The following SNTG2 variants were observed in gnomAD, a reference collection of about 807,000 sequenced individuals.
SNTG2 encodes syntrophin gamma 2.
A neutral mutation model predicts 70.9 loss-of-function variants in SNTG2; 74 were observed. The ratio of observed to expected loss-of-function variants is 1.04; its 90% CI spans 0.86 to 1.27. The LOEUF (loss-of-function observed/expected upper bound fraction) is 1.27. Among genes scored for constraint, SNTG2 ranks in the 50% most tolerant of loss-of-function variants. SNTG2 has a pLI of 0.00. For synonymous variants in SNTG2, 278 were observed against 273.8 expected, an observed-to-expected ratio of 1.02 and a Z score of -0.15; for missense variants, 717 against 690.7, an observed-to-expected ratio of 1.04 and a Z score of -0.43.
intron 1 of SNTG2, among the ~76,000 whole-genome samples, chr2:1,064,713 G>A (rs1039299590): frequency 1.3e-5 from 2 of 152,154 alleles, no homozygotes; most frequent in Admixed American, 6.5e-5. Context: ...GATGCAATGG[G>A]ATACTAAGAA....
At chr2:955,700 A>C (rs1468856736) in intron 1 of SNTG2, among the ~76,000 whole-genome samples, 2 of 152,242 alleles carry the variant, frequency 1.3e-5, no homozygotes, top group Non-Finnish European at 2.9e-5. Context: ...GATTCCATGG[A>C]AGAATGTTTC....
chr2:1,045,990 G>A (rs893449213), intron 1 of SNTG2, among the ~76,000 whole-genome samples: 5 of 151,970 alleles, frequency 3.3e-5, no homozygotes, highest in Admixed American at 2.0e-4. Flanking sequence ...CTATTATTCC[G>A]TGGTTATCTG....
intron 14 of SNTG2, among the ~76,000 whole-genome samples, chr2:1,275,746 T>C (rs192308101): frequency 9.2e-5 from 14 of 152,278 alleles, no homozygotes; most frequent in Admixed American, 5.9e-4. Flanking sequence ...AAGCTAGAAA[T>C]GATTAAGCTT....
intron 9 of SNTG2, among the ~76,000 whole-genome samples, chr2:1,211,554 C>G (rs954931634): frequency 1.3e-4 from 20 of 152,134 alleles, no homozygotes; most frequent in African/African-American, 4.8e-4. Flanking sequence ...GTTTAATGGA[C>G]TCACAGTTCT....
intron 1 of SNTG2, among the ~76,000 whole-genome samples, chr2:1,048,433 T>C (rs200519657): frequency 6.6e-6 from 1 of 152,134 alleles, no homozygotes; most frequent in African/African-American, 2.4e-5. Context: ...ACTCTCTCCA[T>C]ATATAGATAG....
At chr2:1,015,588 A>T (rs1456579373) in intron 1 of SNTG2, among the ~76,000 whole-genome samples, 2 of 152,228 alleles carry the variant, frequency 1.3e-5, no homozygotes. Context: ...AACGTGGATG[A>T]TGTCCAAGTT....
At chr2:1,147,008 C>G (rs1473042691) in intron 6 of SNTG2, among the ~76,000 whole-genome samples, 1 of 152,178 alleles carries the variant, frequency 6.6e-6, no homozygotes, top group Non-Finnish European at 1.5e-5. Context: ...TCTCCTTTAT[C>G]ATGTGACATA....
chr2:1,203,690 A>ATATATATATGTG (rs150383929), intron 8 of SNTG2, among the ~76,000 whole-genome samples: 12 of 141,306 alleles, frequency 8.5e-5, no homozygotes, highest in African/African-American at 3.2e-4. Flanking sequence ...ATATATATAT[A>ATATATATATGTG]TGTGTGTGTG....
chr2:1,245,336 C>T (rs754631375), intron 11 of SNTG2, among the ~76,000 whole-genome samples: 5 of 152,088 alleles, frequency 3.3e-5, no homozygotes, highest in Non-Finnish European at 7.4e-5. Flanking sequence ...CTCAAATGTG[C>T]GTAAGATGAC....
rs139308806 is a variant in SNTG2, at chr2:1,038,438, A to G, written c.73-45080A>G. On this transcript the variant is annotated intron_variant, in intron 1 of 16. Transcript: ENST00000308624. Reference sequence around the variant, plus strand: ...TATGTGAAATGAACAGTGACTTCTCAAAGTATTGTGTCATGGACCCGAGGA... The same window carrying G: ...TATGTGAAATGAACAGTGACTTCTCGAAGTATTGTGTCATGGACCCGAGGA... Among the ~76,000 whole-genome samples, 154 of 152,306 alleles carry G rather than the reference A, an allele frequency of 1.0e-3. 1 individual carries two copies. The highest frequency in any genetic ancestry group is 3.5e-3 in the African/African-American group (147 of 41,554).
intron 8 of SNTG2, among the ~76,000 whole-genome samples, chr2:1,179,114 A>G (rs1489419320): frequency 6.6e-6 from 1 of 152,130 alleles, no homozygotes; most frequent in Non-Finnish European, 1.5e-5. Context: ...GTATTCTTTG[A>G]TGGTAGTTTG....
At chr2:1,048,546 G>A (rs1661876356) in intron 1 of SNTG2, among the ~76,000 whole-genome samples, 1 of 152,074 alleles carries the variant, frequency 6.6e-6, no homozygotes, top group African/African-American at 2.4e-5. Context: ...TATTCGCTGT[G>A]TGAGGATGCC....
chr2:1,150,749 T>G (rs971491722), intron 6 of SNTG2, among the ~76,000 whole-genome samples: 4 of 152,188 alleles, frequency 2.6e-5, no homozygotes, highest in Non-Finnish European at 5.9e-5. Context: ...GGTCAGTATC[T>G]ATGCCTGAGA....
At chr2:1,215,388 T>C (rs1674311395) in intron 9 of SNTG2, among the ~76,000 whole-genome samples, 2 of 152,140 alleles carry the variant, frequency 1.3e-5, no homozygotes, top group Admixed American at 1.3e-4. Context: ...TGATGAAAGA[T>C]TTATTATTTT....
At chr2:1,145,128 A>AT (rs948297734) in intron 6 of SNTG2, among the ~76,000 whole-genome samples, 5 of 143,850 alleles carry the variant, frequency 3.5e-5, no homozygotes, top group Admixed American at 6.7e-5. Context: ...TGTCAAAATA[A>AT]TTTTTTTTTC....
Position 1,014,696 on chromosome 2 carries a change from A to G in SNTG2, c.72+63628A>G, listed in dbSNP as rs543707530. On this transcript the variant is annotated intron_variant, in intron 1 of 16. Transcript: ENST00000308624. Reference sequence around the variant, plus strand: ...AAGGGTGGTCTGTAGAGGGATTTATATGGGCAGAGAGAAGGGTGGTCTGTA... The same window carrying G: ...AAGGGTGGTCTGTAGAGGGATTTATGTGGGCAGAGAGAAGGGTGGTCTGTA... 3.1e-3 allele frequency among the ~76,000 whole-genome samples: 465 copies of G among 150,490 alleles called. 5 individuals carry two copies. Among genetic ancestry groups the G allele is most frequent in the African/African-American group, 0.011 (446 of 40,832 alleles).
chr2:1,024,918 T>C (rs1660389460), intron 1 of SNTG2, among the ~76,000 whole-genome samples: 3 of 152,210 alleles, frequency 2.0e-5, no homozygotes, highest in Admixed American at 1.3e-4. Context: ...TACTTGTTAG[T>C]GCACTCTATG....
chr2:1,104,407 G>T (rs1040433101), intron 4 of SNTG2, among the ~76,000 whole-genome samples: 1 of 152,110 alleles, frequency 6.6e-6, no homozygotes, highest in Non-Finnish European at 1.5e-5. Context: ...TGATGCATGG[G>T]TTATTGATTA....
Position 1,068,613 on chromosome 2 carries a change from C to A in SNTG2, c.73-14905C>A, listed in dbSNP as rs75723459. Among the ~76,000 whole-genome samples, 1,392 of 152,278 alleles carry A rather than the reference C, an allele frequency of 9.1e-3. 19 individuals carry two copies. Among genetic ancestry groups the A allele is most frequent in the African/African-American group, 0.032 (1,317 of 41,558 alleles). ...TTTTATAGCCATTTTATATTTTGTACTGTCGCGTATTGTTGGATTTTAGCT... is the reference window on the plus strand; with the variant it reads ...TTTTATAGCCATTTTATATTTTGTAATGTCGCGTATTGTTGGATTTTAGCT... On this transcript the variant is annotated intron_variant, in intron 1 of 16. Transcript: ENST00000308624.
Sources: allele counts gnomAD v4.1 joint callset (sites outside exome capture counted in the v4.1 genomes callset), GRCh38; gene constraint gnomAD v4.1.1; transcripts MANE v1.5; gene names NCBI Gene and HGNC (gene_info 2026-07-23, HGNC 2026-07-21).